Variants in SPIRE2 observed in about 807,000 individuals in gnomAD.
SPIRE2 encodes protein spire homolog 2.
In SPIRE2, 76 loss-of-function variants were observed where a neutral mutation model predicts 80.7. That is an observed-to-expected ratio of 0.94 (90% CI 0.78 to 1.14). The LOEUF (loss-of-function observed/expected upper bound fraction) is 1.14. Ranked by LOEUF, SPIRE2 falls within the 50% of genes most tolerant of loss-of-function variation. SPIRE2 has a pLI of 0.00. For missense variants in SPIRE2, 1,196 were observed against 1,015.3 expected (o/e 1.18, Z -2.42); for synonymous variants, 535 against 432.6 (o/e 1.24, Z -2.94).
At chr16:89,830,889 CTT>C (rs1308496648) in intron 1 of SPIRE2, among the ~76,000 whole-genome samples, 3 of 148,298 alleles carry the variant, frequency 2.0e-5, no homozygotes, top group Admixed American at 2.0e-4. Context: ...ACTCTGAAGA[CTT>C]TGTAACTGCT....
chr16:89,853,288 C>A (rs2143810466), intron 3 of SPIRE2, among the ~76,000 whole-genome samples: 1 of 143,888 alleles, frequency 6.9e-6, no homozygotes, highest in African/African-American at 2.6e-5. Flanking sequence ...CAGCTATGAG[C>A]CACTGTTCCC....
chr16:89,850,372 C>T lies in SPIRE2; in HGVS notation c.357C>T (p.Arg119=), dbSNP rs138250448. Residue 119 remains arginine, a synonymous_variant, in exon 3 of 15, where the codon CGC becomes CGT. Coordinates refer to ENST00000378247, the MANE Select transcript of SPIRE2 (RefSeq NM_032451.2). ...LDWGLDESEE[R]ELSPQLERLI... is the part of the protein sequence containing the mutation. ...GGGGGCTGGACGAGAGCGAGGAGCG[C>T]GAACTCAGCCCTCAGCTGGAGCGGC... 6.9e-6 allele frequency: 11 copies of T among 1,599,130 alleles called. No individual in the cohort carries two copies. Among genetic ancestry groups the T allele is most frequent in the East Asian group, 2.3e-5 (1 of 44,278 alleles).
chr16:89,859,741 G>C (rs973492844), intron 9 of SPIRE2, among the ~76,000 whole-genome samples: 1 of 152,180 alleles, frequency 6.6e-6, no homozygotes, highest in Non-Finnish European at 1.5e-5. Context: ...TGGAACCTGA[G>C]CCGTGATTCC....
intron 13 of SPIRE2, among the ~76,000 whole-genome samples, chr16:89,869,053 A>AAAAAAAAAATATATATATATATAT: frequency 4.2e-5 from 1 of 24,026 alleles, no homozygotes; most frequent in East Asian, 3.1e-3. Flanking sequence ...AAAAAAAAAA[A>AAAAAAAAAATATATATATATATAT]ATATATATAT....
chr16:89,854,995 A>G lies in SPIRE2; in HGVS notation c.891+344A>G, dbSNP rs548135604. 1.2e-4 allele frequency among the ~76,000 whole-genome samples: 19 copies of G among 152,134 alleles called. No homozygotes were observed. In the South Asian group the frequency reaches 1.3e-3, roughly 10 times the overall value. ...GCTCTGTCGCCCAGGCTGGAGGGCA[A>G]TGGTGCGACCTTGGCTCACTGCAAG... is the stretch of plus-strand genomic sequence containing the variant. On this transcript the variant is annotated intron_variant, in intron 5 of 14. Transcript: ENST00000378247.
intron 3 of SPIRE2, among the ~76,000 whole-genome samples, chr16:89,851,288 T>C (rs1468706447): frequency 6.6e-6 from 1 of 152,138 alleles, no homozygotes; most frequent in Non-Finnish European, 1.5e-5. Context: ...CACCAGCCTC[T>C]CCAGGCCCTG....
Position 89,863,592 on chromosome 16 carries a change from C to G in SPIRE2, c.1692C>G (p.Ser564Arg). 1 of 1,614,116 alleles carries G rather than the reference C, an allele frequency of 6.2e-7. No individual in the cohort carries two copies. Among genetic ancestry groups the G allele is most frequent in the Non-Finnish European group, 8.5e-7 (1 of 1,180,044 alleles). ...TTTTGCAGAACAAGGAGCTCTTCAGCAGTCTGAAGAAGGGGAAGGTGAGGC... is the reference window on the plus strand; with the variant it reads ...TTTTGCAGAACAAGGAGCTCTTCAGGAGTCTGAAGAAGGGGAAGGTGAGGC... The part of the protein sequence containing the change: ...EKFLQNKELF[S>R]SLKKGKICCC... The change falls in exon 11 of 15, where the codon AGC (serine) becomes AGG (arginine). Residue 564 changes from serine to arginine, a missense_variant. Physicochemically the swap from Ser to Arg is moderately radical, Grantham distance 110. Transcript: ENST00000378247. The surrounding 1 kb of genome is among the most constrained non-coding windows in gnomAD (Gnocchi z 4.3).
At chr16:89,838,164 A>ATTTTTTTT (rs34507409) in intron 1 of SPIRE2, among the ~76,000 whole-genome samples, 23 of 87,498 alleles carry the variant, frequency 2.6e-4, no homozygotes, top group Non-Finnish European at 2.9e-4. Flanking sequence ...CACGCTCAGC[A>ATTTTTTTT]TTTTTTTTTT....
At chr16:89,849,840 ACTT>A (rs769282953) in intron 2 of SPIRE2, 12 of 280,248 alleles carry the variant, frequency 4.3e-5, no homozygotes, top group Non-Finnish European at 7.7e-5. Context: ...TTTTAAAAAA[ACTT>A]CTTTTTTTTT....
At chr16:89,836,818 G>GAA (rs201171675) in intron 1 of SPIRE2, among the ~76,000 whole-genome samples, 5 of 127,720 alleles carry the variant, frequency 3.9e-5, no homozygotes, top group East Asian at 4.4e-4. Context: ...CGTCTCTACT[G>GAA]AAAAAAAAAA....
At chr16:89,837,692 G>A (rs963494670) in intron 1 of SPIRE2, among the ~76,000 whole-genome samples, 4 of 151,422 alleles carry the variant, frequency 2.6e-5, no homozygotes, top group Admixed American at 6.6e-5. Context: ...TCGGGTCTCC[G>A]CACGCACCTC....
chr16:89,830,425 A>C (rs1238659332), intron 1 of SPIRE2, among the ~76,000 whole-genome samples: 3 of 151,322 alleles, frequency 2.0e-5, no homozygotes, highest in Non-Finnish European at 4.4e-5. Flanking sequence ...TCTCTCTTGA[A>C]GGTTTAAGAA....
chr16:89,863,950 C>T lies in SPIRE2; in HGVS notation c.1778+89C>T, dbSNP rs2041767088. On this transcript the variant is annotated intron_variant, in intron 12 of 14. Coordinates refer to ENST00000378247, the MANE Select transcript of SPIRE2 (RefSeq NM_032451.2). This position sits in a 1 kb window ranked among gnomAD's most constrained non-coding sequence, Gnocchi z 4.3. The stretch of plus-strand genomic sequence containing the variant: ...ACCGCCCACAGAACTTCCTGTGATT[C>T]CAGGAATGTTCTAGCATGTTCGATG... 3.5e-5 allele frequency: 34 copies of T among 968,968 alleles called. 1 individual carries two copies. In the South Asian group the frequency reaches 4.9e-4, roughly 14 times the overall value. The allele number at this position is 968,968 out of a possible 1,614,324, so 60.0% of individuals were successfully genotyped here.
rs563142921 is a variant in SPIRE2 at position 89,832,066 on chromosome 16, T to G, written c.244+3272T>G. The stretch of plus-strand genomic sequence containing the variant: ...CCGTGCTGATGAGCAGGCCCCAGCT[T>G]CTTGCTCCCATTCCTCCTCAAGGCG... On this transcript the variant is annotated intron_variant, in intron 1 of 14. Transcript: ENST00000378247. Among the ~76,000 whole-genome samples the G allele has an allele frequency of 2.3e-3, 349 of 152,354 alleles. 2 individuals carry two copies. The highest frequency in any genetic ancestry group is 4.0e-3 in the Non-Finnish European group (271 of 68,026).
At position 89,845,338 on chromosome 16, in the gene SPIRE2, C is replaced by G; in HGVS notation, c.261C>G (p.Val87=). The change falls in exon 2 of 15, where the codon GTC becomes GTG. Residue 87 remains valine (V), a synonymous_variant. Coordinates refer to ENST00000378247, the MANE Select transcript of SPIRE2 (RefSeq NM_032451.2). The part of the protein sequence containing the change: ...EPEAAEPATM[V]VPLASSEAQT... ...CTCTTACAGAACCTGCAACCATGGT[C>G]GTGCCACTAGCCAGCTCGGAAGCCC... The G allele has an allele frequency of 6.2e-6, 10 of 1,614,136 alleles. No homozygotes were observed. The South Asian group carries it at 1.1e-4, about 18-fold the overall frequency.
At chr16:89,838,642 C>T (rs934754693) in intron 1 of SPIRE2, among the ~76,000 whole-genome samples, 9 of 152,332 alleles carry the variant, frequency 5.9e-5, no homozygotes, top group African/African-American at 2.2e-4. Context: ...CTAAGACTGA[C>T]TTGGGTGCTG....
chr16:89,870,809 G>A lies in SPIRE2; in HGVS notation c.*537G>A. On this transcript the variant is annotated 3_prime_UTR_variant, in exon 15 of 15. Transcript: ENST00000378247. Reference sequence around the variant, plus strand: ...CCCACCTGTTTGAAAGGTCTGGCCAGGCGTGGTGGTTCAGGCCTGTAATTC... The same window carrying A: ...CCCACCTGTTTGAAAGGTCTGGCCAAGCGTGGTGGTTCAGGCCTGTAATTC... The A allele has an allele frequency of 6.3e-6, 1 of 157,746 alleles. No homozygotes were observed. Among genetic ancestry groups the A allele is most frequent in the South Asian group, 1.8e-4 (1 of 5,500 alleles). 9.8% of individuals were successfully genotyped at this position (157,746 alleles called of 1,614,324 possible). A position where few individuals can be genotyped will look rare whatever the true frequency, so the allele number is the denominator to read the frequency against.
At chr16:89,860,916 C>A (rs1236734737) in intron 10 of SPIRE2, 121 bp downstream of exon 10, 10 of 612,796 alleles carry the variant, frequency 1.6e-5, no homozygotes, top group Non-Finnish European at 2.6e-5. Context: ...GTGGCCTGAG[C>A]GTCCGTCTGG....
intron 9 of SPIRE2, 68 bp downstream of exon 9, chr16:89,859,422 C>T: frequency 9.6e-7 from 1 of 1,041,176 alleles, no homozygotes. Context: ...GGGCACCATC[C>T]CTCCACCTCA....
Sources: gnomAD v4.1 joint callset for allele counts (sites outside exome capture counted in the v4.1 genomes callset) on GRCh38, gnomAD v4.1.1 for gene constraint, Gnocchi (gnomAD v3.1) non-coding constraint, MANE v1.5 for transcripts, NCBI Gene and HGNC (gene_info 2026-07-23, HGNC 2026-07-21) for gene names.